The following CSMD1 variants were observed in gnomAD, a reference collection of about 807,000 sequenced individuals.
CSMD1 encodes the protein CUB and sushi domain-containing protein 1.
In CSMD1, 213 loss-of-function variants were observed where a neutral mutation model predicts 417.5. That is an observed-to-expected ratio of 0.51 (90% CI 0.46 to 0.57). The LOEUF is 0.57. Among genes scored for constraint, CSMD1 ranks in the 20% least tolerant of loss-of-function variants. The pLI, the probability that CSMD1 is intolerant of heterozygous loss-of-function variation, is 0.00. For synonymous variants in CSMD1, 2,862 were observed against 1,736.8 expected (o/e 1.65, Z -16.11); for missense variants, 6,923 against 4,529.7 (o/e 1.53, Z -15.17).
chr8:4,915,558 CG>C (rs1454648573), intron 1 of CSMD1, among the ~76,000 whole-genome samples: 1 of 152,178 alleles, frequency 6.6e-6, no homozygotes, highest in Non-Finnish European at 1.5e-5. Context: ...CATGGACCTG[CG>C]TCTGCAGTAG....
intron 26 of CSMD1, among the ~76,000 whole-genome samples, chr8:3,237,863 ATTTTT>A (rs1238655557): frequency 0.021 from 606 of 28,786 alleles, 210 homozygotes; most frequent in Admixed American, 0.092. Flanking sequence ...TATAAATATA[ATTTTT>A]ATAATTATAC....
At chr8:4,311,194 G>A (rs1169756438) in intron 3 of CSMD1, among the ~76,000 whole-genome samples, 2 of 152,148 alleles carry the variant, frequency 1.3e-5, no homozygotes, top group East Asian at 1.9e-4. Context: ...AAAGACACAT[G>A]CACGTGAATG....
In CSMD1 at chr8:3,997,886, C is replaced by A. The variant is rs922741427; in HGVS notation, c.818+17G>T. On this transcript the variant is annotated intron_variant, in intron 5 of 69. Coordinates refer to ENST00000635120, the MANE Select transcript of CSMD1 (RefSeq NM_033225.6). ...AACACACCTGTATCCTTTGTGGCATCTCTTCCCGGGACTTACCATATGGAT... is the reference window on the plus strand; with the variant it reads ...AACACACCTGTATCCTTTGTGGCATATCTTCCCGGGACTTACCATATGGAT... 1 of 1,604,796 alleles carries A rather than the reference C, an allele frequency of 6.2e-7. No homozygotes were observed.
intron 7 of CSMD1, among the ~76,000 whole-genome samples, chr8:3,681,936 G>A (rs1156286124): frequency 2.0e-5 from 3 of 152,146 alleles, no homozygotes; most frequent in Non-Finnish European, 2.9e-5. Flanking sequence ...AACAAGAAAT[G>A]GGGAAAGGAT....
At chr8:3,527,587 T>TACACACAC (rs150049730) in intron 10 of CSMD1, among the ~76,000 whole-genome samples, 2 of 151,012 alleles carry the variant, frequency 1.3e-5, no homozygotes, top group African/African-American at 2.4e-5. Context: ...CAGAACTCTA[T>TACACACAC]ACACACACAC....
intron 50 of CSMD1, among the ~76,000 whole-genome samples, chr8:3,039,522 C>A (rs1411878769): frequency 6.7e-6 from 1 of 149,946 alleles, no homozygotes; most frequent in Non-Finnish European, 1.5e-5. Context: ...TTCCTCCCTC[C>A]TTCGTTCCTT....
intron 1 of CSMD1, among the ~76,000 whole-genome samples, chr8:4,803,383 C>A (rs747544208): frequency 1.2e-4 from 18 of 152,130 alleles, no homozygotes; most frequent in Non-Finnish European, 1.8e-4. Context: ...CAGTGATGTA[C>A]TCAACATAGT....
intron 2 of CSMD1, among the ~76,000 whole-genome samples, chr8:4,569,901 G>C (rs190009078): frequency 6.6e-6 from 1 of 152,238 alleles, no homozygotes; most frequent in Admixed American, 6.5e-5. Context: ...TCTCTTTGTA[G>C]CAATTGTGAG....
chr8:3,526,510 A>G (rs1395988094), intron 10 of CSMD1, among the ~76,000 whole-genome samples: 2 of 152,148 alleles, frequency 1.3e-5, no homozygotes, highest in Non-Finnish European at 2.9e-5. Flanking sequence ...ATCCTACATA[A>G]AACACTCAAA....
At chr8:4,052,738 T>C (rs941171869) in intron 3 of CSMD1, among the ~76,000 whole-genome samples, 2 of 151,488 alleles carry the variant, frequency 1.3e-5, no homozygotes, top group Non-Finnish European at 2.9e-5. Context: ...CACCACATGA[T>C]AAAAGAACAA....
intron 8 of CSMD1, among the ~76,000 whole-genome samples, chr8:3,611,451 T>C (rs192227012): frequency 8.5e-5 from 13 of 152,254 alleles, no homozygotes; most frequent in Admixed American, 5.2e-4. Context: ...TAAAGAACGA[T>C]AGACCAACTA....
intron 50 of CSMD1, among the ~76,000 whole-genome samples, chr8:3,037,031 T>C (rs978453822): frequency 3.9e-5 from 6 of 152,114 alleles, no homozygotes; most frequent in Non-Finnish European, 7.4e-5. Context: ...TGCATTTGCA[T>C]CCCTATAGAT....
chr8:4,179,922 G>T (rs1254127826), intron 3 of CSMD1, among the ~76,000 whole-genome samples: 1 of 152,108 alleles, frequency 6.6e-6, no homozygotes, highest in Non-Finnish European at 1.5e-5. Context: ...AAAAAGTCAG[G>T]AAACAAAAGG....
At chr8:4,774,492 C>A (rs1161064511) in intron 1 of CSMD1, among the ~76,000 whole-genome samples, 1 of 151,966 alleles carries the variant, frequency 6.6e-6, no homozygotes, top group Non-Finnish European at 1.5e-5. Flanking sequence ...TATTTTTTTA[C>A]ATATAGGAAA....
intron 1 of CSMD1, among the ~76,000 whole-genome samples, chr8:4,701,200 T>A (rs577737713): frequency 1.3e-5 from 2 of 152,044 alleles, no homozygotes; most frequent in Non-Finnish European, 2.9e-5. Flanking sequence ...GTGCCCCTAG[T>A]TCCCGACTGT....
chr8:2,990,236 G>C (rs1806258064), intron 54 of CSMD1, among the ~76,000 whole-genome samples: 1 of 152,206 alleles, frequency 6.6e-6, no homozygotes, highest in Non-Finnish European at 1.5e-5. Flanking sequence ...ACTAATATCT[G>C]TCTTCCCATC....
chr8:4,589,927 T>C (rs1039942037), intron 2 of CSMD1, among the ~76,000 whole-genome samples: 7 of 152,310 alleles, frequency 4.6e-5, no homozygotes, highest in South Asian at 2.1e-4. Flanking sequence ...GGCTTTTGTC[T>C]AACCCACACA....
At chr8:4,160,729 T>C (rs1797107423) in intron 3 of CSMD1, among the ~76,000 whole-genome samples, 1 of 152,218 alleles carries the variant, frequency 6.6e-6, no homozygotes. Context: ...GTTGCAATTA[T>C]TTTCTATAAG....
At chr8:3,011,523 G>A (rs2128963177) in intron 52 of CSMD1, among the ~76,000 whole-genome samples, 1 of 152,246 alleles carries the variant, frequency 6.6e-6, no homozygotes, top group Middle Eastern at 3.4e-3. Flanking sequence ...ATGTCATCTA[G>A]CTATTTTAGC....
Sources: allele counts gnomAD v4.1 joint callset (sites outside exome capture counted in the v4.1 genomes callset), GRCh38; gene constraint gnomAD v4.1.1; transcripts MANE v1.5; gene names NCBI Gene and HGNC (gene_info 2026-07-23, HGNC 2026-07-21).